Variants in CRIM1 observed in about 807,000 individuals in gnomAD.
The protein encoded by CRIM1 is cysteine rich transmembrane BMP regulator 1.
CRIM1 carries 32 observed loss-of-function variants against 116.4 expected under a neutral mutation model. That is an observed-to-expected ratio of 0.27 (90% CI 0.21 to 0.37). The LOEUF (loss-of-function observed/expected upper bound fraction) is 0.37. Among genes scored for constraint, CRIM1 ranks in the 10% least tolerant of loss-of-function variants. CRIM1 has a pLI of 1.00. For missense variants in CRIM1, 1,331 were observed against 1,354.8 expected, an observed-to-expected ratio of 0.98 and a Z score of 0.28; for synonymous variants, 590 against 509.2, an observed-to-expected ratio of 1.16 and a Z score of -2.13.
chr2:36,473,660 A>G (rs72865094), intron 5 of CRIM1, among the ~76,000 whole-genome samples: 5,531 of 152,260 alleles, frequency 0.036, 358 homozygotes, highest in African/African-American at 0.13. Context: ...TTCACTTAGC[A>G]TAATATTTTC....
intron 7 of CRIM1, among the ~76,000 whole-genome samples, chr2:36,481,420 T>C (rs72866815): frequency 0.02 from 2,984 of 152,272 alleles, 113 homozygotes; most frequent in African/African-American, 0.069. Context: ...ATCTACTGTT[T>C]GAGAAAAGAG....
rs140092663 is a variant in CRIM1, at chr2:36,495,623, T to G, written c.1373-3596T>G. On this transcript the variant is annotated intron_variant, in intron 7 of 16. Transcript: ENST00000280527. ...TGACCAGCTCTTGGTCATTATTCTT[T>G]AAGAACTATAAATATAATATTGATT... Among the ~76,000 whole-genome samples the G allele has an allele frequency of 2.5e-3, 374 of 152,146 alleles. 2 individuals carry two copies. The Middle Eastern group carries it at 0.037, about 15-fold the overall frequency.
At chr2:36,400,847 T>G (rs1163460395) in intron 2 of CRIM1, among the ~76,000 whole-genome samples, 1 of 152,068 alleles carries the variant, frequency 6.6e-6, no homozygotes, top group African/African-American at 2.4e-5. Flanking sequence ...AAGAGTGCAG[T>G]GATGATGGAT....
chr2:36,363,367 T>G (rs554849845), intron 1 of CRIM1, among the ~76,000 whole-genome samples: 1 of 152,242 alleles, frequency 6.6e-6, no homozygotes, highest in Admixed American at 6.5e-5. Flanking sequence ...TGGAACATGC[T>G]TACTAACAAG....
chr2:36,433,852 A>G (rs1203547000), intron 2 of CRIM1, among the ~76,000 whole-genome samples: 1 of 152,164 alleles, frequency 6.6e-6, no homozygotes, highest in Non-Finnish European at 1.5e-5. Flanking sequence ...TTAATATGGC[A>G]TTTTTGACAA....
rs189642265 is a variant in CRIM1, at chr2:36,451,629, C to T, written c.869+8894C>T. On this transcript the variant is annotated intron_variant, in intron 4 of 16. Transcript: ENST00000280527. ...GTGCTCTGTGTGCTCAAATGCTTAT[C>T]CTTCCGTGGTAGAGCTTTCCAAAGT... Among the ~76,000 whole-genome samples the T allele has an allele frequency of 3.0e-3, 458 of 152,272 alleles. 3 individuals are homozygous for T. Among genetic ancestry groups the T allele is most frequent in the South Asian group, 5.8e-3 (28 of 4,826 alleles).
chr2:36,390,457 C>T (rs899875265), intron 1 of CRIM1, among the ~76,000 whole-genome samples: 10 of 152,178 alleles, frequency 6.6e-5, no homozygotes, highest in African/African-American at 2.4e-4. Context: ...CACTCCGAAG[C>T]TCATTCTGCC....
Position 36,542,427 on chromosome 2 carries a change from G to C in CRIM1, c.2624-1949G>C, listed in dbSNP as rs116163878. On this transcript the variant is annotated intron_variant, in intron 14 of 16. Transcript: ENST00000280527. ...GGACTCACTGTCATGCCTCAGCTTG[G>C]TGGAGTTTCACCGGAAATCTACCCA... Among the ~76,000 whole-genome samples the C allele has an allele frequency of 6.5e-4, 99 of 152,296 alleles. 1 individual carries two copies. Among genetic ancestry groups the C allele is most frequent in the African/African-American group, 2.3e-3 (97 of 41,552 alleles).
chr2:36,402,881 T>A (rs1350781427), intron 2 of CRIM1, among the ~76,000 whole-genome samples: 1 of 152,094 alleles, frequency 6.6e-6, no homozygotes, highest in Non-Finnish European at 1.5e-5. Flanking sequence ...CCAGGAGTTT[T>A]GGGCAAATTA....
chr2:36,408,625 G>A (rs941505827), intron 2 of CRIM1, among the ~76,000 whole-genome samples: 3 of 152,214 alleles, frequency 2.0e-5, no homozygotes, highest in Admixed American at 2.0e-4. Flanking sequence ...CCTGCAGAGC[G>A]GAGCTGCAGC....
chr2:36,416,607 G>A (rs1240739448), intron 2 of CRIM1, among the ~76,000 whole-genome samples: 1 of 152,166 alleles, frequency 6.6e-6, no homozygotes, highest in Non-Finnish European at 1.5e-5. Flanking sequence ...TTTGATTTTA[G>A]TTTACGCCTA....
At chr2:36,472,387 A>T (rs1041242932) in intron 5 of CRIM1, among the ~76,000 whole-genome samples, 1 of 152,162 alleles carries the variant, frequency 6.6e-6, no homozygotes, top group African/African-American at 2.4e-5. Context: ...AACAGATTTC[A>T]TTGTGTTGTG....
intron 1 of CRIM1, among the ~76,000 whole-genome samples, chr2:36,376,611 T>C (rs1189766695): frequency 6.6e-6 from 1 of 152,162 alleles, no homozygotes; most frequent in African/African-American, 2.4e-5. Context: ...AAATGCTGGC[T>C]GGATTTGTTT....
intron 2 of CRIM1, among the ~76,000 whole-genome samples, chr2:36,400,362 G>A (rs1672322838): frequency 6.6e-6 from 1 of 151,920 alleles, no homozygotes. Flanking sequence ...CATCACTGGG[G>A]GTGGGAGGTC....
intron 14 of CRIM1, among the ~76,000 whole-genome samples, chr2:36,543,527 G>C (rs1018688675): frequency 6.6e-6 from 1 of 152,152 alleles, no homozygotes; most frequent in Non-Finnish European, 1.5e-5. Flanking sequence ...AATATGGCAG[G>C]ATCTGCCCGA....
In CRIM1 at chr2:36,548,773, T is replaced by C; in HGVS notation, c.*72T>C. 7.8e-7 allele frequency: 1 copy of C among 1,287,378 alleles called. No individual in the cohort carries two copies. The highest frequency in any genetic ancestry group is 2.3e-5 in the Admixed American group (1 of 43,164). The allele number at this position is 1,287,378 out of a possible 1,614,324, so 79.7% of individuals were successfully genotyped here. A position where few individuals can be genotyped will look rare whatever the true frequency, so the allele number is the denominator to read the frequency against. On this transcript the variant is annotated 3_prime_UTR_variant, in exon 17 of 17. Coordinates refer to ENST00000280527, the MANE Select transcript of CRIM1 (RefSeq NM_016441.3). Reference sequence around the variant, plus strand: ...TCTGCTCTAAAAAGTAAACTAGAATTTGTGCACTTGCTTAGTGGATTGTAT... The same window carrying C: ...TCTGCTCTAAAAAGTAAACTAGAATCTGTGCACTTGCTTAGTGGATTGTAT...
intron 1 of CRIM1, chr2:36,378,525 G>A (rs943032473): frequency 2.4e-5 from 9 of 368,942 alleles, no homozygotes; most frequent in African/African-American, 1.6e-4. Flanking sequence ...AACGTAAGGC[G>A]GTAAGTCATT....
intron 4 of CRIM1, among the ~76,000 whole-genome samples, chr2:36,457,625 T>G (rs1011919625): frequency 6.6e-6 from 1 of 152,046 alleles, no homozygotes. Flanking sequence ...GTAGTAAATC[T>G]CTTATGGTGA....
rs530023765 is a variant in CRIM1, at chr2:36,464,398, A to C, written c.870-136A>C. The C allele has an allele frequency of 9.5e-6, 8 of 845,988 alleles. No individual in the cohort carries two copies. In the South Asian group the frequency reaches 1.5e-4, roughly 15 times the overall value. The allele number at this position is 845,988 out of a possible 1,614,324, so 52.4% of individuals were successfully genotyped here. On this transcript the variant is annotated intron_variant, in intron 4 of 16. Coordinates refer to ENST00000280527, the MANE Select transcript of CRIM1 (RefSeq NM_016441.3). ...AACCCCTCCTGCCTTCCCATTTCCC[A>C]GTGACACCAGATAAAGGAGGCAGTG...
Sources: allele counts gnomAD v4.1 joint callset (sites outside exome capture counted in the v4.1 genomes callset), GRCh38; gene constraint gnomAD v4.1.1; transcripts MANE v1.5; gene names NCBI Gene and HGNC (gene_info 2026-07-23, HGNC 2026-07-21).